FKBP3: variants seen among roughly 807,000 people sequenced by gnomAD.
FKBP3 encodes peptidyl-prolyl cis-trans isomerase FKBP3.
Under a neutral mutation model 30.6 loss-of-function variants are expected in FKBP3, and 21 were observed. The ratio of observed to expected loss-of-function variants is 0.69; its 90% CI spans 0.49 to 0.99. The LOEUF (loss-of-function observed/expected upper bound fraction) is 0.99, where lower values mean the gene tolerates loss of function less well. Among genes scored for constraint, FKBP3 ranks in the 50% least tolerant of loss-of-function variants. The pLI is 0.00. For synonymous variants in FKBP3, 82 were observed against 91.3 expected (o/e 0.90, Z 0.58); for missense variants, 283 against 261.6 (o/e 1.08, Z -0.56).
chr14:45,131,779 C>A (rs1192772671), intron 1 of FKBP3, among the ~76,000 whole-genome samples: 1 of 152,040 alleles, frequency 6.6e-6, no homozygotes, highest in African/African-American at 2.4e-5. Flanking sequence ...TGCAAAAATC[C>A]ATTTAATGCA....
Position 45,116,086 on chromosome 14 carries a change from C to A in FKBP3, c.*112G>T. On this transcript the variant is annotated 3_prime_UTR_variant, in exon 7 of 7. Transcript: ENST00000396062. Reference sequence around the variant, plus strand: ...AAATTTTATTAACTCCTTGAATTTTCCAGTTGACTCTTCCTTTACAATAGT... The same window carrying A: ...AAATTTTATTAACTCCTTGAATTTTACAGTTGACTCTTCCTTTACAATAGT... 1.4e-6 allele frequency: 1 copy of A among 733,776 alleles called. No individual in the cohort carries two copies. Among genetic ancestry groups the A allele is most frequent in the Non-Finnish European group, 2.3e-6 (1 of 428,584 alleles). The allele number at this position is 733,776 out of a possible 1,614,324, so 45.5% of individuals were successfully genotyped here.
At chr14:45,131,586 A>T (rs1885215115) in intron 1 of FKBP3, among the ~76,000 whole-genome samples, 1 of 142,426 alleles carries the variant, frequency 7.0e-6, no homozygotes, top group Non-Finnish European at 1.5e-5. Flanking sequence ...CCGAGATCGC[A>T]CCACTGCATT....
chr14:45,130,868 C>A (rs1312872613), intron 1 of FKBP3, 68 bp from the exon 2 acceptor site: 6 of 866,824 alleles, frequency 6.9e-6, no homozygotes, highest in Middle Eastern at 4.9e-4. Flanking sequence ...AATTAGAAAA[C>A]GATCCTTTTA....
chr14:45,125,026 C>T (rs1256588242), intron 3 of FKBP3, among the ~76,000 whole-genome samples: 1 of 152,198 alleles, frequency 6.6e-6, no homozygotes, highest in South Asian at 2.1e-4. Flanking sequence ...AAGCAATTCT[C>T]CTGCCTCAGC....
At chr14:45,133,950 A>C (rs993830353) in intron 1 of FKBP3, among the ~76,000 whole-genome samples, 1 of 152,214 alleles carries the variant, frequency 6.6e-6, no homozygotes, top group Non-Finnish European at 1.5e-5. Context: ...TCCCACAGAA[A>C]TCTTCACATC....
Position 45,130,749 on chromosome 14 carries a change from C to T in FKBP3, c.160G>A (p.Ala54Thr). ...LGNIKNVAKT[A>T]NKDHLVTAYN... ...GCTGTAACCAAGTGGTCCTTGTTAG[C>T]TGTCTTGGCCACATTTTTAATGTTT... is the stretch of plus-strand genomic sequence containing the variant. The change falls in exon 2 of 7, where the codon GCT (alanine) becomes ACT (threonine). Residue 54 changes from alanine to threonine, a missense_variant. Transcript: ENST00000396062. 1 of 1,610,880 alleles carries T rather than the reference C, an allele frequency of 6.2e-7. No homozygotes were observed. The highest frequency in any genetic ancestry group is 1.1e-5 in the South Asian group (1 of 90,444).
At chr14:45,118,176 G>A (rs1884897454) in intron 5 of FKBP3, 51 bp from the exon 6 acceptor site, 1 of 1,041,024 alleles carries the variant, frequency 9.6e-7, no homozygotes, top group South Asian at 1.4e-5. Flanking sequence ...AAAAGCACAT[G>A]CAATACCAGG....
chr14:45,119,071 A>T (rs1463306271), intron 5 of FKBP3, among the ~76,000 whole-genome samples: 2 of 152,134 alleles, frequency 1.3e-5, no homozygotes, highest in Non-Finnish European at 2.9e-5. Context: ...AAAAGGTAAA[A>T]CTAACTTTTC....
At chr14:45,130,838 C>G in intron 1 of FKBP3, 38 bp from the exon 2 acceptor site, 1 of 1,244,388 alleles carries the variant, frequency 8.0e-7, no homozygotes, top group Non-Finnish European at 1.2e-6. Flanking sequence ...GATAACTTCT[C>G]CCGAGTAAGA....
intron 1 of FKBP3, 98 bp downstream of exon 1, chr14:45,134,251 G>A (rs1885315616): frequency 9.9e-7 from 1 of 1,010,264 alleles, no homozygotes; most frequent in East Asian, 2.6e-5. Flanking sequence ...GGGAAGACGA[G>A]GGCGGGGGCA....
At chr14:45,119,658 C>G (rs1884938958) in intron 5 of FKBP3, among the ~76,000 whole-genome samples, 1 of 151,714 alleles carries the variant, frequency 6.6e-6, no homozygotes, top group Non-Finnish European at 1.5e-5. Context: ...TGATAATATA[C>G]TTGCTATCAA....
At chr14:45,129,934 G>T in intron 2 of FKBP3, 33 bp from the exon 3 acceptor site, 1 of 1,435,292 alleles carries the variant, frequency 7.0e-7, no homozygotes, top group African/African-American at 1.4e-5. Flanking sequence ...TCATACCCAG[G>T]ACAGGCTAAA....
At chr14:45,122,472 C>T (rs965106523) in intron 3 of FKBP3, among the ~76,000 whole-genome samples, 1 of 152,076 alleles carries the variant, frequency 6.6e-6, no homozygotes, top group African/African-American at 2.4e-5. Flanking sequence ...GTTTGAAAAG[C>T]AAGAGAAAAG....
chr14:45,126,498 GAAAA>G (rs897588814), intron 3 of FKBP3, among the ~76,000 whole-genome samples: 6 of 149,650 alleles, frequency 4.0e-5, no homozygotes, highest in African/African-American at 1.2e-4. Flanking sequence ...AAAAAACAAA[GAAAA>G]AAAAAGAATA....
At chr14:45,116,322 T>C (rs1884833720) in intron 6 of FKBP3, 70 bp from the exon 7 acceptor site, 2 of 1,061,736 alleles carry the variant, frequency 1.9e-6, no homozygotes, top group Non-Finnish European at 2.9e-6. Context: ...TAGTGTAGGA[T>C]AGGCTGACTA....
At chr14:45,123,062 G>A (rs948697099) in intron 3 of FKBP3, among the ~76,000 whole-genome samples, 7 of 151,548 alleles carry the variant, frequency 4.6e-5, no homozygotes, top group African/African-American at 1.7e-4. Context: ...ATGTGGTGGC[G>A]TGTGCCTGTA....
intron 5 of FKBP3, among the ~76,000 whole-genome samples, chr14:45,118,634 C>T (rs1884911282): frequency 6.6e-6 from 1 of 150,474 alleles, no homozygotes; most frequent in Non-Finnish European, 1.5e-5. Context: ...CCTTCTCAAA[C>T]AAACAAACAA....
rs1160607439 is a variant in FKBP3, at chr14:45,130,783, T to A, written c.126A>T (p.Lys42Asn). 6.2e-7 allele frequency: 1 copy of A among 1,605,862 alleles called. No homozygotes were observed. Among genetic ancestry groups the A allele is most frequent in the South Asian group, 1.1e-5 (1 of 89,354 alleles). Residue 42 changes from lysine (K) to asparagine (N), a missense_variant, in exon 2 of 7, where the codon AAA becomes AAT. Physicochemically the swap from Lys to Asn is moderately conservative, Grantham distance 94 (BLOSUM62 0). Coordinates refer to ENST00000396062, the MANE Select transcript of FKBP3 (RefSeq NM_002013.4). ...CCACATTTTTAATGTTTCCTAATAA[T>A]TTATGTTCTGCAAGAAACTATAAGG... is the stretch of plus-strand genomic sequence containing the variant. ...HGSDSFLAEH[K>N]LLGNIKNVAK...
In FKBP3 at chr14:45,118,083, G is replaced by C. The variant is rs202030646; in HGVS notation, c.565C>G (p.Arg189Gly). The change falls in exon 6 of 7, where the codon CGA becomes GGA. Residue 189 changes from arginine to glycine, a missense_variant. Coordinates refer to ENST00000396062, the MANE Select transcript of FKBP3 (RefSeq NM_002013.4). ...GCCCATTCTGGTTCAATCTCCAGTC[G>C]AGCCTTTTCTCCTTTACTCATAGTC... ...LLTMSKGEKA[R>G]LEIEPEWAYG... The C allele has an allele frequency of 1.9e-6, 3 of 1,607,228 alleles. No individual in the cohort carries two copies. The highest frequency in any genetic ancestry group is 2.5e-6 in the Non-Finnish European group (3 of 1,177,872).
Sources: allele counts gnomAD v4.1 joint callset (sites outside exome capture counted in the v4.1 genomes callset), GRCh38; gene constraint gnomAD v4.1.1; transcripts MANE v1.5; gene names NCBI Gene and HGNC (gene_info 2026-07-23, HGNC 2026-07-21).